ZNF691: variants seen among roughly 807,000 people sequenced by gnomAD.
The protein encoded by ZNF691 is zinc finger protein 691.
ZNF691 carries 11 observed loss-of-function variants against 24.1 expected under a neutral mutation model. The ratio of observed to expected loss-of-function variants is 0.46; its 90% CI spans 0.29 to 0.75. The LOEUF (loss-of-function observed/expected upper bound fraction) is 0.75, where lower values mean the gene tolerates loss of function less well. Among genes scored for constraint, ZNF691 ranks in the 30% least tolerant of loss-of-function variants. The probability of loss-of-function intolerance (pLI) is 0.11; values close to 1 mark genes in which losing one functional copy is unlikely to be tolerated. For synonymous variants in ZNF691, 149 were observed against 153.9 expected, an observed-to-expected ratio of 0.97 and a Z score of 0.23; for missense variants, 356 against 409.0, an observed-to-expected ratio of 0.87 and a Z score of 1.12.
intron 1 of ZNF691, 33 bp downstream of exon 1, chr1:42,846,690 G>A (rs1214658984): frequency 6.6e-6 from 1 of 152,562 alleles, no homozygotes; most frequent in Non-Finnish European, 1.5e-5. Context: ...GTCGCGGGGG[G>A]AGGCGGACAC....
At chr1:42,849,046 T>C (rs1476229793) in intron 1 of ZNF691, among the ~76,000 whole-genome samples, 1 of 152,206 alleles carries the variant, frequency 6.6e-6, no homozygotes, top group Non-Finnish European at 1.5e-5. Flanking sequence ...TATGGCTGCT[T>C]TCATGATTCA....
chr1:42,847,045 A>G lies in ZNF691; in HGVS notation c.-218+388A>G, dbSNP rs116281278. Reference sequence around the variant, plus strand: ...GCTTCTCCCCGCCCCGCAACACACAACTCAGCTCTTGGGCCCTGGCCTGTG... The same window carrying G: ...GCTTCTCCCCGCCCCGCAACACACAGCTCAGCTCTTGGGCCCTGGCCTGTG... On this transcript the variant is annotated intron_variant, in intron 1 of 3. Coordinates refer to ENST00000651192, the MANE Select transcript of ZNF691 (RefSeq NM_001242739.2). 7.3e-3 allele frequency among the ~76,000 whole-genome samples: 1,108 copies of G among 150,810 alleles called. 8 individuals are homozygous for G. The highest frequency in any genetic ancestry group is 0.026 in the African/African-American group (1,050 of 40,866).
intron 1 of ZNF691, among the ~76,000 whole-genome samples, chr1:42,847,283 C>T (rs1396609202): frequency 1.3e-5 from 2 of 152,160 alleles, no homozygotes; most frequent in Non-Finnish European, 2.9e-5. Context: ...ACCTCCATAC[C>T]GCACTATGGC....
intron 1 of ZNF691, among the ~76,000 whole-genome samples, chr1:42,848,769 G>T (rs570899541): frequency 9.9e-5 from 15 of 152,194 alleles, no homozygotes; most frequent in Non-Finnish European, 2.1e-4. Context: ...ATGTCAGAAG[G>T]TAAGATGTGC....
intron 1 of ZNF691, 24 bp from the exon 2 acceptor site, chr1:42,849,267 A>G (rs1655314859): frequency 2.5e-6 from 1 of 403,604 alleles, no homozygotes. Flanking sequence ...CATTTAAAAG[A>G]TCTTTTTCTT....
intron 3 of ZNF691, chr1:42,850,659 T>C: frequency 6.5e-7 from 1 of 1,550,354 alleles, no homozygotes. Context: ...CATTGCTTAG[T>C]GGTTTCAAGA....
chr1:42,852,226 G>C lies in ZNF691; in HGVS notation c.*413G>C. The C allele has an allele frequency of 3.0e-6, 1 of 328,346 alleles. No individual in the cohort carries two copies. The highest frequency in any genetic ancestry group is 6.2e-6 in the Non-Finnish European group (1 of 160,722). The allele number at this position is 328,346 out of a possible 1,614,324, so 20.3% of individuals were successfully genotyped here. A position where few individuals can be genotyped will look rare whatever the true frequency, so the allele number is the denominator to read the frequency against. On this transcript the variant is annotated 3_prime_UTR_variant, in exon 4 of 4. Coordinates refer to ENST00000651192, the MANE Select transcript of ZNF691 (RefSeq NM_001242739.2). ...AGGTAGGAGTGCACTGCAGTTTCCT[G>C]CTAGTTCCCACCTGTTGTGCCCCAA...
At position 42,851,310 on chromosome 1, in the gene ZNF691, G is replaced by A; in HGVS notation, c.445G>A (p.Gly149Ser). The A allele has an allele frequency of 6.2e-7, 1 of 1,614,074 alleles. No homozygotes were observed. Among genetic ancestry groups the A allele is most frequent in the Non-Finnish European group, 8.5e-7 (1 of 1,180,018 alleles). The change falls in exon 4 of 4, where the codon GGC (glycine) becomes AGC (serine). Residue 149 changes from glycine (G) to serine (S), a missense_variant. By Grantham distance (56) the Gly-to-Ser change is moderately conservative. Transcript: ENST00000651192. This position sits in a 1 kb window ranked among gnomAD's most constrained non-coding sequence, Gnocchi z 4.7. ...GAAGCCTTACAAGTGTTCTGAATGT[G>A]GCAAGAGCTTCTCGAGAAGCTCCAA... The part of the protein sequence containing the change: ...GEKPYKCSEC[G>S]KSFSRSSNRI...
In ZNF691 at chr1:42,849,751, C is replaced by G. The variant is rs375670653; in HGVS notation, c.84+9C>G. 8 of 1,548,994 alleles carry G rather than the reference C, an allele frequency of 5.2e-6. No individual in the cohort carries two copies. Among genetic ancestry groups the G allele is most frequent in the East Asian group, 4.9e-5 (2 of 40,906 alleles). ...TACCACTCTCATCAGAGGTACTTTT[C>G]CCCCCAACTCTTTCCCTGTCCTTGG... On this transcript the variant is annotated intron_variant, in intron 3 of 3. Coordinates refer to ENST00000651192, the MANE Select transcript of ZNF691 (RefSeq NM_001242739.2).
At position 42,849,781 on chromosome 1, in the gene ZNF691, A is replaced by G. The variant is rs1416405944; in HGVS notation, c.84+39A>G. 1.4e-5 allele frequency: 21 copies of G among 1,484,528 alleles called. No homozygotes were observed. The Admixed American group carries it at 3.9e-4, about 28-fold the overall frequency. 92.0% of individuals were successfully genotyped at this position (1,484,528 alleles called of 1,614,324 possible). ...CAACTCTTTCCCTGTCCTTGGCTGT[A>G]GGAACCCAAAGGAGTCTGTGCAGCT... On this transcript the variant is annotated intron_variant, in intron 3 of 3. Coordinates refer to ENST00000651192, the MANE Select transcript of ZNF691 (RefSeq NM_001242739.2).
In ZNF691 at chr1:42,849,393, A is replaced by G. The variant is rs776809150; in HGVS notation, c.-115A>G. The G allele has an allele frequency of 8.3e-6, 5 of 599,760 alleles. No individual in the cohort carries two copies. Among genetic ancestry groups the G allele is most frequent in the Non-Finnish European group, 1.6e-5 (5 of 319,642 alleles). The allele number at this position is 599,760 out of a possible 1,614,324, so 37.2% of individuals were successfully genotyped here. A position where few individuals can be genotyped will look rare whatever the true frequency, so the allele number is the denominator to read the frequency against. ...TGAGTATTACAGGCATTTTTTTCTA[A>G]TACAAAGTCTTGTAGTGTGGGTAGG... On this transcript the variant is annotated 5_prime_UTR_variant, in exon 2 of 4. Transcript: ENST00000651192.
At chr1:42,846,915 G>A (rs575471929) in intron 1 of ZNF691, among the ~76,000 whole-genome samples, 1 of 152,250 alleles carries the variant, frequency 6.6e-6, no homozygotes, top group East Asian at 1.9e-4. Context: ...TCCTGCCGCT[G>A]ACCATACGTT....
rs75714562 is a variant in ZNF691 at position 42,849,480 on chromosome 1, G to A, written c.-95+67G>A. ...AGTGGTTGAATAATTTGCAGAGAGC[G>A]ATAAAGATAGTATGTGTCACAGTTG... On this transcript the variant is annotated intron_variant, in intron 2 of 3. Transcript: ENST00000651192. 1.2e-3 allele frequency: 805 copies of A among 696,300 alleles called. 3 individuals are homozygous for A. The African/African-American group carries it at 0.013, about 11-fold the overall frequency. 43.1% of individuals were successfully genotyped at this position (696,300 alleles called of 1,614,324 possible).
rs1208794430 is a variant in ZNF691 at position 42,849,418 on chromosome 1, G to A, written c.-95+5G>A. On this transcript the variant is annotated splice_donor_5th_base_variant and intron_variant, in intron 2 of 3. Coordinates refer to ENST00000651192, the MANE Select transcript of ZNF691 (RefSeq NM_001242739.2). ...ATACAAAGTCTTGTAGTGTGGGTAG[G>A]TATCACAATTTTAGTGAAGAGGGAG... The A allele has an allele frequency of 8.6e-5, 55 of 638,956 alleles. No individual in the cohort carries two copies. Among genetic ancestry groups the A allele is most frequent in the East Asian group, 2.9e-4 (9 of 31,508 alleles). The allele number at this position is 638,956 out of a possible 1,614,324, so 39.6% of individuals were successfully genotyped here.
rs534236684 is a variant in ZNF691, at chr1:42,849,841, C to T, written c.84+99C>T. 25 of 1,037,426 alleles carry T rather than the reference C, an allele frequency of 2.4e-5. No individual in the cohort carries two copies. The East Asian group carries it at 6.5e-4, about 27-fold the overall frequency. 64.3% of individuals were successfully genotyped at this position (1,037,426 alleles called of 1,614,324 possible). A position where few individuals can be genotyped will look rare whatever the true frequency, so the allele number is the denominator to read the frequency against. On this transcript the variant is annotated intron_variant, in intron 3 of 3. Coordinates refer to ENST00000651192, the MANE Select transcript of ZNF691 (RefSeq NM_001242739.2). Reference sequence around the variant, plus strand: ...TTAGTGATGTTTGCACAAATCAGGACCTGTACTGGGCACTCTTATGTGTTT... The same window carrying T: ...TTAGTGATGTTTGCACAAATCAGGATCTGTACTGGGCACTCTTATGTGTTT...
rs556995848 is a variant in ZNF691 at position 42,852,107 on chromosome 1, G to A, written c.*294G>A. The A allele has an allele frequency of 1.6e-4, 80 of 513,362 alleles. No individual in the cohort carries two copies. Among genetic ancestry groups the A allele is most frequent in the African/African-American group, 1.4e-3 (75 of 51,738 alleles). 31.8% of individuals were successfully genotyped at this position (513,362 alleles called of 1,614,324 possible). A position where few individuals can be genotyped will look rare whatever the true frequency, so the allele number is the denominator to read the frequency against. ...TAGGGTAGGCTCAGAACATGCTCAT[G>A]TTATTAAGGCAGCAGTCCCCCTGGC... On this transcript the variant is annotated 3_prime_UTR_variant, in exon 4 of 4. Coordinates refer to ENST00000651192, the MANE Select transcript of ZNF691 (RefSeq NM_001242739.2).
At chr1:42,846,828 G>C (rs1031296481) in intron 1 of ZNF691, among the ~76,000 whole-genome samples, 171 bp downstream of exon 1, 41 of 152,050 alleles carry the variant, frequency 2.7e-4, no homozygotes, top group Non-Finnish European at 5.6e-4. Flanking sequence ...CCCTCGCCCT[G>C]GCCCCCGGCC....
intron 3 of ZNF691, chr1:42,850,658 G>A (rs1655360066): frequency 6.5e-7 from 1 of 1,550,320 alleles, no homozygotes; most frequent in Non-Finnish European, 8.7e-7. Flanking sequence ...TCATTGCTTA[G>A]TGGTTTCAAG....
At chr1:42,850,628 A>G (rs922435228) in intron 3 of ZNF691, 7 of 1,538,486 alleles carry the variant, frequency 4.5e-6, no homozygotes, top group Non-Finnish European at 6.1e-6. Flanking sequence ...TTACTTGCCC[A>G]TGAATTATAG....
Sources: gnomAD v4.1 joint callset for allele counts (sites outside exome capture counted in the v4.1 genomes callset) on GRCh38, gnomAD v4.1.1 for gene constraint, Gnocchi (gnomAD v3.1) non-coding constraint, MANE v1.5 for transcripts, NCBI Gene and HGNC (gene_info 2026-07-23, HGNC 2026-07-21) for gene names.